The following MFSD12 variants were observed in gnomAD, a reference collection of about 807,000 sequenced individuals.
MFSD12 encodes major facilitator superfamily domain-containing protein 12.
In MFSD12, 67 loss-of-function variants were observed where a neutral mutation model predicts 51.2. That is an observed-to-expected ratio of 1.31 (90% CI 1.08 to 1.60). The LOEUF (loss-of-function observed/expected upper bound fraction) is 1.60, where lower values mean the gene tolerates loss of function less well. Among genes scored for constraint, MFSD12 ranks in the 40% most tolerant of loss-of-function variants. MFSD12 has a pLI of 0.00. For synonymous variants in MFSD12, 441 were observed against 316.7 expected, an observed-to-expected ratio of 1.39 and a Z score of -4.17; for missense variants, 921 against 673.0, an observed-to-expected ratio of 1.37 and a Z score of -4.08.
intron 1 of MFSD12, among the ~76,000 whole-genome samples, chr19:3,556,255 A>G (rs1280200311): frequency 6.6e-6 from 1 of 152,210 alleles, no homozygotes; most frequent in African/African-American, 2.4e-5. Context: ...TGGTCACCCT[A>G]ATAGACGAGC....
chr19:3,544,617 T>G lies in MFSD12; in HGVS notation c.*93A>C. ...TGGAGGGTGGGGGTCCAGAGAAGAG[T>G]GAGGGGCAGTGGGGGCTTTTCCCCA... On this transcript the variant is annotated 3_prime_UTR_variant, in exon 10 of 10. Coordinates refer to ENST00000355415, the MANE Select transcript of MFSD12 (RefSeq NM_174983.5). The G allele has an allele frequency of 1.3e-6, 2 of 1,507,666 alleles. No homozygotes were observed. Among genetic ancestry groups the G allele is most frequent in the East Asian group, 2.3e-5 (1 of 43,226 alleles). The allele number at this position is 1,507,666 out of a possible 1,614,324, so 93.4% of individuals were successfully genotyped here. A position where few individuals can be genotyped will look rare whatever the true frequency, so the allele number is the denominator to read the frequency against.
chr19:3,544,586 T>G lies in MFSD12; in HGVS notation c.*124A>C. On this transcript the variant is annotated 3_prime_UTR_variant, in exon 10 of 10. Transcript: ENST00000355415. ...CCCGACCCCACCCCCGGGAGCTGGG[T>G]GAGGATGGAGGGTGGGGGTCCAGAG... The G allele has an allele frequency of 1.4e-6, 2 of 1,465,600 alleles. No individual in the cohort carries two copies. The highest frequency in any genetic ancestry group is 1.8e-6 in the Non-Finnish European group (2 of 1,111,954). 90.8% of individuals were successfully genotyped at this position (1,465,600 alleles called of 1,614,324 possible). A position where few individuals can be genotyped will look rare whatever the true frequency, so the allele number is the denominator to read the frequency against.
chr19:3,552,170 A>G (rs1054538687), intron 1 of MFSD12, among the ~76,000 whole-genome samples: 1 of 136,244 alleles, frequency 7.3e-6, no homozygotes, highest in Non-Finnish European at 1.6e-5. Flanking sequence ...TTCAATATCT[A>G]TTTTTTTTTT....
In MFSD12 at chr19:3,544,689, G is replaced by T. The variant is rs368927640; in HGVS notation, c.*21C>A. On this transcript the variant is annotated 3_prime_UTR_variant, in exon 10 of 10. Coordinates refer to ENST00000355415, the MANE Select transcript of MFSD12 (RefSeq NM_174983.5). Reference sequence around the variant, plus strand: ...TGCGTCCCCACAGTTCCCTTGCACAGGTGCAGGAGGCTGTCAGGAGTCAGG... The same window carrying T: ...TGCGTCCCCACAGTTCCCTTGCACATGTGCAGGAGGCTGTCAGGAGTCAGG... The T allele has an allele frequency of 7.4e-5, 117 of 1,589,588 alleles. No individual in the cohort carries two copies. In the Middle Eastern group the frequency reaches 8.5e-4, roughly 12 times the overall value.
chr19:3,543,231 T>G (rs2030582507), downstream of MFSD12: 2 of 1,541,750 alleles, frequency 1.3e-6, no homozygotes, highest in Non-Finnish European at 8.7e-7. Flanking sequence ...CTGCCCACCC[T>G]CAGCGATGAC....
chr19:3,552,241 C>G (rs1308277655), intron 1 of MFSD12, among the ~76,000 whole-genome samples: 1 of 151,370 alleles, frequency 6.6e-6, no homozygotes, highest in Non-Finnish European at 1.5e-5. Flanking sequence ...GATCTCGGCT[C>G]GCTGCAACCT....
At chr19:3,538,465 G>A in exon 5 of MFSD12, 1 of 314,372 alleles carries the variant, frequency 3.2e-6, no homozygotes, top group South Asian at 2.5e-5. Context: ...CCCAGTCCCG[G>A]CACCCACGAA....
intron 2 of MFSD12, among the ~76,000 whole-genome samples, chr19:3,549,079 C>T (rs753417418): frequency 7.9e-5 from 12 of 152,140 alleles, no homozygotes; most frequent in South Asian, 4.1e-4. Context: ...TCCCAGCTCA[C>T]GGGGAGGATT....
chr19:3,543,405 G>A (rs2030604649), downstream of MFSD12: 1 of 1,547,318 alleles, frequency 6.5e-7, no homozygotes, highest in Non-Finnish European at 8.7e-7. Flanking sequence ...GCCCCGGCCA[G>A]CCCCTTCCGC....
In MFSD12 at chr19:3,544,267, C is replaced by A. The variant is rs1028388916; in HGVS notation, c.*443G>T. 10 of 1,311,242 alleles carry A rather than the reference C, an allele frequency of 7.6e-6. No individual in the cohort carries two copies. The highest frequency in any genetic ancestry group is 1.5e-5 in the African/African-American group (1 of 66,464). The allele number at this position is 1,311,242 out of a possible 1,614,324, so 81.2% of individuals were successfully genotyped here. ...TGCCGGGCAGCCCTGCTGCCCACCA[C>A]GGTGGGGTCCAGGCCCAGCCCACCA... On this transcript the variant is annotated 3_prime_UTR_variant, in exon 10 of 10. Transcript: ENST00000355415.
At position 3,544,392 on chromosome 19, in the gene MFSD12, C is replaced by A. The variant is rs891245341; in HGVS notation, c.*318G>T. 30 of 1,301,802 alleles carry A rather than the reference C, an allele frequency of 2.3e-5. No homozygotes were observed. In the East Asian group the frequency reaches 8.5e-4, roughly 37 times the overall value. 80.6% of individuals were successfully genotyped at this position (1,301,802 alleles called of 1,614,324 possible). ...GGTGAGGGGTGAACTGGACTGAGCT[C>A]AGGGTTAGGGTTCCCCCAGACCCTT... On this transcript the variant is annotated 3_prime_UTR_variant, in exon 10 of 10. Transcript: ENST00000355415.
intron 2 of MFSD12, among the ~76,000 whole-genome samples, chr19:3,548,866 A>G (rs2031285789): frequency 6.6e-6 from 1 of 152,186 alleles, no homozygotes; most frequent in South Asian, 2.1e-4. Flanking sequence ...GCATTGGGCA[A>G]CCTGTGTCGT....
intron 1 of MFSD12, among the ~76,000 whole-genome samples, chr19:3,556,655 A>AGGC (rs935867172): frequency 9.5e-5 from 14 of 146,898 alleles, no homozygotes; most frequent in Non-Finnish European, 1.9e-4. Context: ...CAGGCAGGGG[A>AGGC]GGCTCAGGAG....
chr19:3,538,524 G>A (rs904422794), exon 5 of MFSD12: 2 of 369,918 alleles, frequency 5.4e-6, no homozygotes, highest in Non-Finnish European at 1.1e-5. Flanking sequence ...TTTCATAGAA[G>A]TGGGATCACA....
rs2030786604 is a variant in MFSD12 at position 3,544,616 on chromosome 19, G to C, written c.*94C>G. 7 of 1,512,866 alleles carry C rather than the reference G, an allele frequency of 4.6e-6. No individual in the cohort carries two copies. The highest frequency in any genetic ancestry group is 2.6e-5 in the South Asian group (2 of 77,806). 93.7% of individuals were successfully genotyped at this position (1,512,866 alleles called of 1,614,324 possible). ...ATGGAGGGTGGGGGTCCAGAGAAGA[G>C]TGAGGGGCAGTGGGGGCTTTTCCCC... On this transcript the variant is annotated 3_prime_UTR_variant, in exon 10 of 10. Coordinates refer to ENST00000355415, the MANE Select transcript of MFSD12 (RefSeq NM_174983.5).
downstream of MFSD12, chr19:3,541,900 C>G: frequency 2.8e-6 from 2 of 712,026 alleles, no homozygotes; most frequent in Non-Finnish European, 3.4e-6. Context: ...CCTCCGCCTC[C>G]CGGGTTCAAG....
At chr19:3,541,424 G>C (rs1032899966), downstream of MFSD12, among the ~76,000 whole-genome samples, 2 of 151,476 alleles carry the variant, frequency 1.3e-5, no homozygotes, top group Admixed American at 6.6e-5. Context: ...CTGGGTTCTA[G>C]CGATTCTCCT....
chr19:3,547,692 A>T, intron 4 of MFSD12, 145 bp from the exon 5 acceptor site: 1 of 1,167,266 alleles, frequency 8.6e-7, no homozygotes, highest in Non-Finnish European at 1.2e-6. Context: ...TGGGCCAGGA[A>T]GAGGAGAGCA....
Position 3,547,293 on chromosome 19 carries a change from G to T in MFSD12, c.1002C>A (p.Ile334=). The part of the protein sequence containing the change: ...GFLSSFLMKP[I]NKCIGRNMTY... ...TCACGTTCCTCCCAATGCACTTGTT[G>T]ATGGGCTTCATGAGGAAGGAGGACA... Residue 334 remains isoleucine (I), a synonymous_variant, in exon 6 of 10, where the codon ATC becomes ATA. Coordinates refer to ENST00000355415, the MANE Select transcript of MFSD12 (RefSeq NM_174983.5). The T allele has an allele frequency of 6.2e-7, 1 of 1,613,212 alleles. No individual in the cohort carries two copies. Among genetic ancestry groups the T allele is most frequent in the Non-Finnish European group, 8.5e-7 (1 of 1,179,864 alleles).
Sources: gnomAD v4.1 joint callset for allele counts (sites outside exome capture counted in the v4.1 genomes callset) on GRCh38, gnomAD v4.1.1 for gene constraint, MANE v1.5 for transcripts, NCBI Gene and HGNC (gene_info 2026-07-23, HGNC 2026-07-21) for gene names.